Variants in DGKI observed in about 807,000 individuals in gnomAD.
DGKI encodes diacylglycerol kinase iota.
A neutral mutation model predicts 147.5 loss-of-function variants in DGKI; 55 were observed. The observed-to-expected ratio is 0.37, with a 90% confidence interval of 0.30 to 0.47. DGKI has a LOEUF of 0.47. Among genes scored for constraint, DGKI ranks in the 20% least tolerant of loss-of-function variants. The pLI is 1.00. For synonymous variants in DGKI, 469 were observed against 477.1 expected (o/e 0.98, Z 0.22); for missense variants, 1,007 against 1,323.8 (o/e 0.76, Z 3.71).
At chr7:137,619,769 C>G (rs1820675365) in intron 8 of DGKI, 55 bp downstream of exon 8, 1 of 1,354,760 alleles carries the variant, frequency 7.4e-7, no homozygotes, top group African/African-American at 1.4e-5. Flanking sequence ...AAGCACGAAG[C>G]AGCAGTTCAT....
intron 23 of DGKI, among the ~76,000 whole-genome samples, chr7:137,479,058 T>G (rs1452612674): frequency 6.6e-6 from 1 of 152,136 alleles, no homozygotes; most frequent in African/African-American, 2.4e-5. Context: ...GCCTCTAGTC[T>G]CCCCAGTCCT....
chr7:137,720,500 T>C (rs1456071659), intron 1 of DGKI, among the ~76,000 whole-genome samples: 2 of 152,000 alleles, frequency 1.3e-5, no homozygotes, highest in Admixed American at 6.6e-5. Context: ...CCTTGTGATC[T>C]GCCCGCCTCG....
At chr7:137,799,111 C>T (rs963684837) in intron 1 of DGKI, among the ~76,000 whole-genome samples, 2 of 152,150 alleles carry the variant, frequency 1.3e-5, no homozygotes, top group Admixed American at 1.3e-4. Context: ...AAAAAGATGT[C>T]TTCTTTCATC....
At chr7:137,797,597 T>C (rs965353014) in intron 1 of DGKI, among the ~76,000 whole-genome samples, 3 of 152,134 alleles carry the variant, frequency 2.0e-5, no homozygotes, top group African/African-American at 4.8e-5. Flanking sequence ...ATTAAGTTGA[T>C]ATTAACCTGA....
At chr7:137,638,622 A>ATATATG (rs1491303547) in intron 6 of DGKI, among the ~76,000 whole-genome samples, 20,712 of 22,450 alleles carry the variant, frequency 0.92, 9,638 homozygotes, top group Middle Eastern at 0.97. Flanking sequence ...ACACACACAC[A>ATATATG]TATATATGTG....
chr7:137,565,857 T>C (rs1285526056), intron 19 of DGKI, among the ~76,000 whole-genome samples: 4 of 152,188 alleles, frequency 2.6e-5, no homozygotes, highest in African/African-American at 7.2e-5. Flanking sequence ...TCATCTTAAT[T>C]AGCAGGAATG....
chr7:137,662,507 T>C (rs2116298975), intron 3 of DGKI, among the ~76,000 whole-genome samples: 1 of 147,980 alleles, frequency 6.8e-6, no homozygotes, highest in Non-Finnish European at 1.5e-5. Context: ...CCTCCCAAAG[T>C]GCTGGGATTA....
intron 1 of DGKI, among the ~76,000 whole-genome samples, chr7:137,826,957 CTT>C (rs903346057): frequency 1.1e-4 from 16 of 152,166 alleles, no homozygotes; most frequent in Non-Finnish European, 2.9e-5. Flanking sequence ...CTTACTCAAT[CTT>C]TCCCAAAGCT....
chr7:137,677,071 CATT>C (rs1437631183), intron 3 of DGKI, among the ~76,000 whole-genome samples: 1 of 152,164 alleles, frequency 6.6e-6, no homozygotes, highest in African/African-American at 2.4e-5. Flanking sequence ...AATGTTAATT[CATT>C]ATTTACAGCA....
chr7:137,823,711 A>G (rs1021379179), intron 1 of DGKI, among the ~76,000 whole-genome samples: 4 of 152,216 alleles, frequency 2.6e-5, no homozygotes, highest in African/African-American at 9.6e-5. Flanking sequence ...AACGGAAGCT[A>G]TGTAAAAACC....
rs544178512 is a variant in DGKI at position 137,691,035 on chromosome 7, A to G, written c.402-1033T>C. Among the ~76,000 whole-genome samples the G allele has an allele frequency of 2.2e-4, 34 of 152,206 alleles. No individual in the cohort carries two copies. In the South Asian group the frequency reaches 7.1e-3, roughly 32 times the overall value. On this transcript the variant is annotated intron_variant, in intron 1 of 32. Coordinates refer to ENST00000614521, the MANE Select transcript of DGKI (RefSeq NM_001321708.2). ...GGAGAGGGGCTTTTCCCCTATAATA[A>G]TATCTAAGTGTGGTCTGAGAAGTAC...
chr7:137,429,456 G>T (rs1250702252), intron 28 of DGKI, among the ~76,000 whole-genome samples: 1 of 150,854 alleles, frequency 6.6e-6, no homozygotes, highest in South Asian at 2.1e-4. Flanking sequence ...AACCCTAGAA[G>T]AAAACCTAGG....
intron 27 of DGKI, among the ~76,000 whole-genome samples, chr7:137,446,679 C>T (rs187637296): frequency 1.3e-5 from 2 of 151,984 alleles, no homozygotes; most frequent in Admixed American, 1.3e-4. Flanking sequence ...TGAGCCGAGA[C>T]CGCGCCATTG....
At chr7:137,684,956 C>A (rs567164665) in intron 2 of DGKI, among the ~76,000 whole-genome samples, 10 of 152,298 alleles carry the variant, frequency 6.6e-5, no homozygotes, top group African/African-American at 2.4e-4. Flanking sequence ...CGCATGCACA[C>A]ACACAGCCCT....
At chr7:137,579,048 T>C (rs907268943) in intron 15 of DGKI, among the ~76,000 whole-genome samples, 1 of 152,324 alleles carries the variant, frequency 6.6e-6, no homozygotes, top group Non-Finnish European at 1.5e-5. Context: ...ATGAGATTTA[T>C]ATTAATTGCC....
At chr7:137,548,557 C>T (rs185156654) in intron 20 of DGKI, among the ~76,000 whole-genome samples, 37 of 152,236 alleles carry the variant, frequency 2.4e-4, no homozygotes, top group Non-Finnish European at 4.6e-4. Context: ...GCTCCCCATT[C>T]ACCTTCTGCC....
chr7:137,644,337 T>C (rs1821755428), intron 6 of DGKI, among the ~76,000 whole-genome samples: 1 of 152,248 alleles, frequency 6.6e-6, no homozygotes, highest in African/African-American at 2.4e-5. Context: ...GAGAACAAAA[T>C]ACTGGTTACA....
intron 5 of DGKI, 65 bp downstream of exon 5, chr7:137,654,667 T>C (rs1040995208): frequency 8.6e-7 from 1 of 1,166,174 alleles, no homozygotes; most frequent in Admixed American, 1.8e-5. Context: ...GGTGAATATC[T>C]ATGAATCCAC....
chr7:137,410,873 T>C (rs1812136716), intron 29 of DGKI, among the ~76,000 whole-genome samples: 1 of 152,328 alleles, frequency 6.6e-6, no homozygotes, highest in African/African-American at 2.4e-5. Context: ...CTCATCAATA[T>C]ACTGCTTGGA....
Sources: allele counts gnomAD v4.1 joint callset (sites outside exome capture counted in the v4.1 genomes callset), GRCh38; gene constraint gnomAD v4.1.1; transcripts MANE v1.5; gene names NCBI Gene and HGNC (gene_info 2026-07-23, HGNC 2026-07-21).